PDGFD: variants seen among roughly 807,000 people sequenced by gnomAD.
PDGFD encodes the protein platelet derived growth factor D, also known as platelet-derived growth factor D.
Under a neutral mutation model 44.7 loss-of-function variants are expected in PDGFD, and 30 were observed. The observed-to-expected ratio is 0.67, with a 90% CI of 0.50 to 0.91. The LOEUF (loss-of-function observed/expected upper bound fraction) is 0.91. Ranked by LOEUF, PDGFD falls within the 40% of genes least tolerant of loss-of-function variation. PDGFD has a pLI of 0.00. For synonymous variants in PDGFD, 173 were observed against 168.4 expected, an observed-to-expected ratio of 1.03 and a Z score of -0.21; for missense variants, 445 against 457.8, an observed-to-expected ratio of 0.97 and a Z score of 0.25.
chr11:104,051,611 G>A (rs188752928), intron 1 of PDGFD, among the ~76,000 whole-genome samples: 50 of 151,836 alleles, frequency 3.3e-4, no homozygotes, highest in African/African-American at 9.2e-4. Flanking sequence ...AGACAGATGG[G>A]TAAAAGCCTA....
At chr11:103,916,146 T>C (rs1858121466) in intron 6 of PDGFD, among the ~76,000 whole-genome samples, 1 of 151,480 alleles carries the variant, frequency 6.6e-6, no homozygotes, top group Admixed American at 6.6e-5. Context: ...GTCATCAGAG[T>C]GAACAAGCAA....
At chr11:104,102,641 C>T (rs1026840719) in intron 1 of PDGFD, among the ~76,000 whole-genome samples, 4 of 152,108 alleles carry the variant, frequency 2.6e-5, no homozygotes, top group Non-Finnish European at 4.4e-5. Context: ...ATGTTTATTG[C>T]AGCACTATTC....
At chr11:104,001,269 C>T (rs1859614657) in intron 1 of PDGFD, among the ~76,000 whole-genome samples, 1 of 152,198 alleles carries the variant, frequency 6.6e-6, no homozygotes, top group Non-Finnish European at 1.5e-5. Context: ...TGGGGATACA[C>T]ATTGATGTAC....
intron 1 of PDGFD, among the ~76,000 whole-genome samples, chr11:104,058,130 C>T (rs1254800505): frequency 6.6e-6 from 1 of 151,976 alleles, no homozygotes; most frequent in Admixed American, 6.6e-5. Context: ...AAAGCATGAA[C>T]CATAAAAGAA....
In PDGFD at chr11:104,001,102, T is replaced by C. The variant is rs763714393; in HGVS notation, c.125-847A>G. ...GATTAAGGGTTAGGGTTTGGAGCCATTATGACATTCAACCTGATCTCTCTC... is the reference window on the plus strand; with the variant it reads ...GATTAAGGGTTAGGGTTTGGAGCCACTATGACATTCAACCTGATCTCTCTC... On this transcript the variant is annotated intron_variant, in intron 1 of 6. Coordinates refer to ENST00000393158, the MANE Select transcript of PDGFD (RefSeq NM_025208.5). Among the ~76,000 whole-genome samples, 122 of 152,306 alleles carry C rather than the reference T, an allele frequency of 8.0e-4. 1 individual carries two copies. The highest frequency in any genetic ancestry group is 3.4e-3 in the Middle Eastern group (1 of 294).
At chr11:104,114,437 C>T (rs1028710012) in intron 1 of PDGFD, among the ~76,000 whole-genome samples, 10 of 151,946 alleles carry the variant, frequency 6.6e-5, no homozygotes, top group African/African-American at 1.4e-4. Flanking sequence ...CTCTCTATTC[C>T]GTTCCACTGA....
chr11:104,108,619 C>A (rs1861502863), intron 1 of PDGFD, among the ~76,000 whole-genome samples: 2 of 152,176 alleles, frequency 1.3e-5, no homozygotes, highest in South Asian at 4.1e-4. Context: ...TAAACTAGTT[C>A]AACCACTGTA....
chr11:104,086,165 A>C (rs1243942061), intron 1 of PDGFD, among the ~76,000 whole-genome samples: 1 of 152,186 alleles, frequency 6.6e-6, no homozygotes, highest in Non-Finnish European at 1.5e-5. Flanking sequence ...GAGTAGCAGC[A>C]AAAACAGCAA....
At chr11:103,913,966 G>T (rs1858072101) in intron 6 of PDGFD, among the ~76,000 whole-genome samples, 1 of 152,166 alleles carries the variant, frequency 6.6e-6, no homozygotes, top group Non-Finnish European at 1.5e-5. Flanking sequence ...ACAAAAGGGG[G>T]TGAATGCAGA....
intron 1 of PDGFD, among the ~76,000 whole-genome samples, chr11:104,074,424 G>A (rs1231484063): frequency 6.6e-6 from 1 of 152,158 alleles, no homozygotes; most frequent in Non-Finnish European, 1.5e-5. Context: ...GTTTCTGGGT[G>A]CCAAGATATC....
intron 2 of PDGFD, 123 bp from the exon 3 acceptor site, chr11:103,996,368 A>G (rs894885157): frequency 2.2e-6 from 2 of 907,612 alleles, no homozygotes; most frequent in African/African-American, 3.4e-5. Flanking sequence ...AATGAAAATT[A>G]TAATGTACAG....
At chr11:104,089,588 A>G (rs1170788583) in intron 1 of PDGFD, among the ~76,000 whole-genome samples, 1 of 152,192 alleles carries the variant, frequency 6.6e-6, no homozygotes, top group African/African-American at 2.4e-5. Flanking sequence ...CAACGCTAAT[A>G]CAAGAATTAT....
At chr11:104,126,043 G>A (rs1565342791) in intron 1 of PDGFD, among the ~76,000 whole-genome samples, 1 of 148,954 alleles carries the variant, frequency 6.7e-6, no homozygotes, top group Non-Finnish European at 1.5e-5. Context: ...TAGCGGGGAA[G>A]GAGAGGGGAA....
chr11:104,147,101 A>G (rs1334737987), intron 1 of PDGFD, among the ~76,000 whole-genome samples: 1 of 152,156 alleles, frequency 6.6e-6, no homozygotes, highest in Non-Finnish European at 1.5e-5. Flanking sequence ...CCAGAGTCAC[A>G]CTGTGACTTG....
intron 1 of PDGFD, among the ~76,000 whole-genome samples, chr11:104,001,503 C>A (rs1859619128): frequency 6.6e-6 from 1 of 152,188 alleles, no homozygotes; most frequent in Non-Finnish European, 1.5e-5. Flanking sequence ...GTCAGAAGTG[C>A]AAGTGAGCTG....
intron 1 of PDGFD, among the ~76,000 whole-genome samples, chr11:104,009,291 G>A (rs1050290002): frequency 2.6e-5 from 4 of 152,004 alleles, no homozygotes; most frequent in Non-Finnish European, 5.9e-5. Flanking sequence ...ATATATGGGG[G>A]CTGCTCTTGG....
intron 1 of PDGFD, among the ~76,000 whole-genome samples, chr11:104,124,457 A>C (rs1861816315): frequency 6.6e-6 from 1 of 152,134 alleles, no homozygotes. Context: ...TGTAAAGTAC[A>C]AAACGAACAG....
intron 1 of PDGFD, chr11:104,037,442 A>T: frequency 6.2e-7 from 1 of 1,614,118 alleles, no homozygotes; most frequent in Non-Finnish European, 8.5e-7. Flanking sequence ...GACCCACTGG[A>T]TCGGGAAGCT....
At chr11:104,007,393 T>C (rs1181044134) in intron 1 of PDGFD, among the ~76,000 whole-genome samples, 1 of 152,206 alleles carries the variant, frequency 6.6e-6, no homozygotes, top group Non-Finnish European at 1.5e-5. Flanking sequence ...TATATAATAA[T>C]GCTTAAGGAG....
Sources: allele counts gnomAD v4.1 joint callset (sites outside exome capture counted in the v4.1 genomes callset), GRCh38; gene constraint gnomAD v4.1.1; transcripts MANE v1.5; gene names NCBI Gene and HGNC (gene_info 2026-07-23, HGNC 2026-07-21).